The following UGCG variants were observed in gnomAD, a reference collection of about 807,000 sequenced individuals.
UGCG encodes UDP-glucose ceramide glucosyltransferase, also known as ceramide glucosyltransferase.
UGCG carries 10 observed loss-of-function variants against 49.5 expected under a neutral mutation model. That is an observed-to-expected ratio of 0.20 (90% CI 0.12 to 0.34). The LOEUF is 0.34. Among genes scored for constraint, UGCG ranks in the 10% least tolerant of loss-of-function variants. The pLI, the probability that UGCG is intolerant of heterozygous loss-of-function variation, is 1.00. For synonymous variants in UGCG, 182 were observed against 158.2 expected, an observed-to-expected ratio of 1.15 and a Z score of -1.13; for missense variants, 312 against 483.7, an observed-to-expected ratio of 0.65 and a Z score of 3.33.
intron 5 of UGCG, among the ~76,000 whole-genome samples, chr9:111,928,598 G>C (rs1838366784): frequency 6.6e-6 from 1 of 152,172 alleles, no homozygotes; most frequent in Non-Finnish European, 1.5e-5. Context: ...TTAGAAGTCA[G>C]GTTCAGTTCA....
intron 2 of UGCG, among the ~76,000 whole-genome samples, chr9:111,918,841 C>T (rs1392809322): frequency 4.6e-5 from 7 of 150,740 alleles, no homozygotes; most frequent in African/African-American, 1.5e-4. Context: ...AGGAGAATGG[C>T]GTGAACCTGG....
At chr9:111,899,656 CTGTTA>C (rs945216830) in intron 1 of UGCG, among the ~76,000 whole-genome samples, 10 of 152,048 alleles carry the variant, frequency 6.6e-5, no homozygotes, top group Non-Finnish European at 1.5e-4. Context: ...TTTTCTAACT[CTGTTA>C]TAATTTTTAT....
rs1837673255 is a variant in UGCG at position 111,897,002 on chromosome 9, C to CCGCCCGCGA, written c.-214_-213insCGCCCGCGA. On this transcript the variant is annotated 5_prime_UTR_variant, in exon 1 of 9. Coordinates refer to ENST00000374279, the MANE Select transcript of UGCG (RefSeq NM_003358.3). ...CGCAGCACCCGCAGCCGCCCGCGAG[C>CCGCCCGCGA]GCGCCGAAGACAGCGCGCAGGCGAG... The CCGCCCGCGA allele has an allele frequency of 7.4e-6, 2 of 270,488 alleles. No homozygotes were observed. The highest frequency in any genetic ancestry group is 3.1e-4 in the South Asian group (2 of 6,416). 16.8% of individuals were successfully genotyped at this position (270,488 alleles called of 1,614,324 possible).
chr9:111,897,994 C>G (rs1022171275), intron 1 of UGCG, among the ~76,000 whole-genome samples: 1 of 146,250 alleles, frequency 6.8e-6, no homozygotes, highest in Non-Finnish European at 1.5e-5. Flanking sequence ...TTCTTGAGGC[C>G]TACTAGATAC....
At chr9:111,909,341 G>A (rs1402659215) in intron 1 of UGCG, among the ~76,000 whole-genome samples, 3 of 151,822 alleles carry the variant, frequency 2.0e-5, no homozygotes, top group African/African-American at 7.3e-5. Context: ...AAAATCACTG[G>A]GATTTTAGAG....
intron 1 of UGCG, among the ~76,000 whole-genome samples, chr9:111,912,292 A>G (rs1838025226): frequency 6.6e-6 from 1 of 151,768 alleles, no homozygotes; most frequent in Non-Finnish European, 1.5e-5. Flanking sequence ...AAATTATCCA[A>G]TCTGGCTGGC....
intron 2 of UGCG, among the ~76,000 whole-genome samples, chr9:111,916,916 G>A (rs1205443710): frequency 6.6e-6 from 1 of 151,738 alleles, no homozygotes; most frequent in South Asian, 2.1e-4. Flanking sequence ...AGGCTGAGGC[G>A]GGAGGATTGC....
At chr9:111,923,673 C>T (rs1838268514) in intron 3 of UGCG, among the ~76,000 whole-genome samples, 1 of 151,656 alleles carries the variant, frequency 6.6e-6, no homozygotes, top group South Asian at 2.1e-4. Flanking sequence ...GCTCTTATCA[C>T]CCGGGCTGGA....
Position 111,922,845 on chromosome 9 carries a change from C to A in UGCG, c.241-4C>A. ...TTAATTTACATACAATGCTTTTTGA[C>A]TAGTATGAAGTGCTCCTTTGTGTAC... On this transcript the variant is annotated splice_region_variant and splice_polypyrimidine_tract_variant and intron_variant, in intron 2 of 8. Transcript: ENST00000374279. The A allele has an allele frequency of 6.3e-7, 1 of 1,584,116 alleles. No homozygotes were observed. The highest frequency in any genetic ancestry group is 8.6e-7 in the Non-Finnish European group (1 of 1,164,404).
intron 1 of UGCG, among the ~76,000 whole-genome samples, chr9:111,898,802 T>TGA (rs1225286277): frequency 2.0e-5 from 3 of 151,790 alleles, no homozygotes; most frequent in African/African-American, 7.3e-5. Flanking sequence ...TGTGTGTGTG[T>TGA]GAGAGAGAGA....
rs982795125 is a variant in UGCG at position 111,933,860 on chromosome 9, G to C, written c.*863G>C. The C allele has an allele frequency of 6.6e-6, 1 of 152,078 alleles. No individual in the cohort carries two copies. The highest frequency in any genetic ancestry group is 2.4e-5 in the African/African-American group (1 of 41,378). 9.4% of individuals were successfully genotyped at this position (152,078 alleles called of 1,614,324 possible). On this transcript the variant is annotated 3_prime_UTR_variant, in exon 9 of 9. Coordinates refer to ENST00000374279, the MANE Select transcript of UGCG (RefSeq NM_003358.3). ...CTTCCCTTAACATTTTTTCAGGGGG[G>C]GTTGGGAGTGGTTTCATTTTAGTGT...
Position 111,920,948 on chromosome 9 carries a change from G to T in UGCG, c.241-1901G>T, listed in dbSNP as rs539053825. Among the ~76,000 whole-genome samples the T allele has an allele frequency of 4.1e-3, 626 of 152,038 alleles. 5 individuals carry two copies. Among genetic ancestry groups the T allele is most frequent in the African/African-American group, 0.014 (600 of 41,494 alleles). On this transcript the variant is annotated intron_variant, in intron 2 of 8. Coordinates refer to ENST00000374279, the MANE Select transcript of UGCG (RefSeq NM_003358.3). ...GATGGAGTCTCGCTCTGTCGCCCAG[G>T]CTGGAGTGCAGTGGCGTGATCTGGG...
chr9:111,911,905 GATATATAT>G (rs200468304), intron 1 of UGCG, among the ~76,000 whole-genome samples: 1,274 of 77,864 alleles, frequency 0.016, 35 homozygotes, highest in South Asian at 0.023. Context: ...TATTCAACAG[GATATATAT>G]ATATATATAT....
chr9:111,926,841 G>T (rs1345023216), intron 5 of UGCG, among the ~76,000 whole-genome samples: 4 of 144,512 alleles, frequency 2.8e-5, no homozygotes, highest in African/African-American at 7.7e-5. Context: ...GAAAAGAACC[G>T]CTGGCCCCCT....
At chr9:111,923,877 T>G (rs1057291544) in intron 3 of UGCG, among the ~76,000 whole-genome samples, 2 of 152,078 alleles carry the variant, frequency 1.3e-5, no homozygotes, top group African/African-American at 4.8e-5. Context: ...GTGATCCACC[T>G]GCCTCGGCCT....
In UGCG at chr9:111,924,768, C is replaced by G; in HGVS notation, c.344-9C>G. 1 of 1,479,384 alleles carries G rather than the reference C, an allele frequency of 6.8e-7. No homozygotes were observed. Among genetic ancestry groups the G allele is most frequent in the Non-Finnish European group, 9.1e-7 (1 of 1,104,528 alleles). 91.6% of individuals were successfully genotyped at this position (1,479,384 alleles called of 1,614,324 possible). On this transcript the variant is annotated splice_polypyrimidine_tract_variant and intron_variant, in intron 3 of 8. Transcript: ENST00000374279. ...TAAATCTTTTACTACTGTACCTTTA[C>G]ATTTTTAGGTGGCAAAAAAGTTGGC...
chr9:111,912,091 T>C (rs1444475995), intron 1 of UGCG, among the ~76,000 whole-genome samples: 1 of 146,204 alleles, frequency 6.8e-6, no homozygotes, highest in Non-Finnish European at 1.5e-5. Flanking sequence ...TAAACTTTTT[T>C]CCCCAGCAGT....
At chr9:111,914,507 T>G in intron 1 of UGCG, 98 bp from the exon 2 acceptor site, 1 of 1,257,720 alleles carries the variant, frequency 8.0e-7, no homozygotes, top group Non-Finnish European at 1.1e-6. Flanking sequence ...TTTAAAAATC[T>G]TAACTTAGAA....
In UGCG at chr9:111,933,151, G is replaced by T; in HGVS notation, c.*154G>T. The T allele has an allele frequency of 4.6e-5, 19 of 416,744 alleles. No homozygotes were observed. Among genetic ancestry groups the T allele is most frequent in the Non-Finnish European group, 5.0e-5 (14 of 277,758 alleles). 25.8% of individuals were successfully genotyped at this position (416,744 alleles called of 1,614,324 possible). On this transcript the variant is annotated 3_prime_UTR_variant, in exon 9 of 9. Transcript: ENST00000374279. ...ATTTTTGCATGGCACTTGCATCTGTGAAAAAAAAAAAAAACACATCTGTAG... is the reference window on the plus strand; with the variant it reads ...ATTTTTGCATGGCACTTGCATCTGTTAAAAAAAAAAAAAACACATCTGTAG...
Sources: allele counts gnomAD v4.1 joint callset (sites outside exome capture counted in the v4.1 genomes callset), GRCh38; gene constraint gnomAD v4.1.1; transcripts MANE v1.5; gene names NCBI Gene and HGNC (gene_info 2026-07-23, HGNC 2026-07-21).